Variants in WDR19 observed in about 807,000 individuals in gnomAD.
WDR19 encodes WD repeat domain 19.
In WDR19, 121 loss-of-function variants were observed where a neutral mutation model predicts 180.0. That is an observed-to-expected ratio of 0.67 (90% CI 0.58 to 0.78). The LOEUF is 0.78. Among genes scored for constraint, WDR19 ranks in the 30% least tolerant of loss-of-function variants. WDR19 has a pLI of 0.00. For synonymous variants in WDR19, 497 were observed against 540.7 expected, an observed-to-expected ratio of 0.92 and a Z score of 1.12; for missense variants, 1,450 against 1,640.7, an observed-to-expected ratio of 0.88 and a Z score of 2.01.
rs554694790 is a variant in WDR19 at position 39,189,999 on chromosome 4, C to T, written c.290+218C>T. Among the ~76,000 whole-genome samples, 63 of 152,268 alleles carry T rather than the reference C, an allele frequency of 4.1e-4. No individual in the cohort carries two copies. The South Asian group carries it at 8.7e-3, about 21-fold the overall frequency. On this transcript the variant is annotated intron_variant, in intron 4 of 36. Coordinates refer to ENST00000399820, the MANE Select transcript of WDR19 (RefSeq NM_025132.4). ...AAAAAGTTGCTTTCAGTGGAACAGA[C>T]TAAGAAGTGCAGAGATGAGACAAAA...
intron 36 of WDR19, among the ~76,000 whole-genome samples, chr4:39,281,236 T>TATATAGAGAGAGAGAGGGAGAG (rs762298152): frequency 9.6e-6 from 1 of 104,040 alleles, no homozygotes; most frequent in Non-Finnish European, 1.8e-5. Flanking sequence ...TATATATATA[T>TATATAGAGAGAGAGAGGGAGAG]AGAGAGAGAG....
intron 3 of WDR19, among the ~76,000 whole-genome samples, chr4:39,187,219 G>A (rs1441928802): frequency 1.3e-5 from 2 of 152,036 alleles, no homozygotes; most frequent in Non-Finnish European, 2.9e-5. Flanking sequence ...AGGAGATGGA[G>A]ACCATCCTGG....
In WDR19 at chr4:39,265,955, C is replaced by A. The variant is rs561408463; in HGVS notation, c.3184-108C>A. On this transcript the variant is annotated intron_variant, in intron 28 of 36. Coordinates refer to ENST00000399820, the MANE Select transcript of WDR19 (RefSeq NM_025132.4). Reference sequence around the variant, plus strand: ...TATTTCAGGCACTTTACTATAGATACTATTAATGTTTTTTATTCCATCTCC... The same window carrying A: ...TATTTCAGGCACTTTACTATAGATAATATTAATGTTTTTTATTCCATCTCC... The A allele has an allele frequency of 4.5e-4, 402 of 897,566 alleles. 2 individuals are homozygous for A. In the African/African-American group the frequency reaches 5.9e-3, roughly 13 times the overall value. The allele number at this position is 897,566 out of a possible 1,614,324, so 55.6% of individuals were successfully genotyped here. A position where few individuals can be genotyped will look rare whatever the true frequency, so the allele number is the denominator to read the frequency against.
intron 28 of WDR19, among the ~76,000 whole-genome samples, chr4:39,264,178 C>T (rs1196738765): frequency 6.6e-6 from 1 of 152,114 alleles, no homozygotes; most frequent in African/African-American, 2.4e-5. Flanking sequence ...CATATTGAGG[C>T]CCCAAGAGTA....
intron 10 of WDR19, among the ~76,000 whole-genome samples, chr4:39,215,361 G>A (rs538253792): frequency 1.3e-5 from 2 of 150,742 alleles, no homozygotes; most frequent in South Asian, 4.2e-4. Context: ...TTGTTGCTCA[G>A]GCTTACTGTA....
intron 28 of WDR19, among the ~76,000 whole-genome samples, chr4:39,258,836 G>T (rs1047481779): frequency 6.6e-5 from 10 of 152,028 alleles, no homozygotes; most frequent in Non-Finnish European, 1.5e-4. Flanking sequence ...TTTAAGCTGG[G>T]TGCAGTGGAT....
At chr4:39,278,277 C>A in intron 35 of WDR19, 70 bp downstream of exon 35, 1 of 1,386,442 alleles carries the variant, frequency 7.2e-7, no homozygotes, top group Non-Finnish European at 9.9e-7. Flanking sequence ...TACCTCTTTT[C>A]TTCCGAAGCA....
At chr4:39,235,023 T>TA (rs1731242151) in intron 20 of WDR19, 148 bp downstream of exon 20, 1 of 556,240 alleles carries the variant, frequency 1.8e-6, no homozygotes, top group East Asian at 3.0e-5. Flanking sequence ...CTGAAAAATG[T>TA]TTTTTCTAAC....
At chr4:39,196,458 C>A (rs1240631894) in intron 5 of WDR19, among the ~76,000 whole-genome samples, 1 of 152,130 alleles carries the variant, frequency 6.6e-6, no homozygotes, top group Non-Finnish European at 1.5e-5. Context: ...TGTTTAGGGC[C>A]ATCCTTGACT....
chr4:39,243,228 T>G (rs1029560081), intron 21 of WDR19, among the ~76,000 whole-genome samples: 3 of 152,238 alleles, frequency 2.0e-5, no homozygotes, highest in African/African-American at 7.2e-5. Flanking sequence ...TACTTTTCAT[T>G]TTTGACATGG....
At chr4:39,251,988 C>T (rs1733247394) in intron 24 of WDR19, among the ~76,000 whole-genome samples, 1 of 152,076 alleles carries the variant, frequency 6.6e-6, no homozygotes, top group African/African-American at 2.4e-5. Context: ...CACCATTTGA[C>T]CCAGCCATCC....
At chr4:39,261,354 T>G (rs1357986504) in intron 28 of WDR19, among the ~76,000 whole-genome samples, 1 of 152,126 alleles carries the variant, frequency 6.6e-6, no homozygotes, top group Non-Finnish European at 1.5e-5. Flanking sequence ...GCCTGATCAA[T>G]CTATGATAAG....
intron 17 of WDR19, among the ~76,000 whole-genome samples, chr4:39,231,122 T>C (rs1024940684): frequency 2.6e-5 from 4 of 151,932 alleles, no homozygotes; most frequent in South Asian, 2.1e-4. Flanking sequence ...CCATCCTGGC[T>C]AACACGATGA....
chr4:39,281,232 TATATAGAG>T (rs1736489387), intron 36 of WDR19, among the ~76,000 whole-genome samples: 1 of 100,924 alleles, frequency 9.9e-6, no homozygotes, highest in African/African-American at 5.3e-5. Flanking sequence ...TATATATATA[TATATAGAG>T]AGAGAGAGAG....
At chr4:39,184,567 A>G (rs1026694184) in intron 1 of WDR19, among the ~76,000 whole-genome samples, 1 of 151,922 alleles carries the variant, frequency 6.6e-6, no homozygotes, top group East Asian at 2.0e-4. Context: ...CCCGGGTTCA[A>G]GGGATTCTCG....
intron 28 of WDR19, among the ~76,000 whole-genome samples, chr4:39,258,886 G>A (rs898781892): frequency 6.6e-6 from 1 of 152,140 alleles, no homozygotes; most frequent in Admixed American, 6.5e-5. Context: ...TGGCCAACAT[G>A]GTGAAACCCC....
intron 36 of WDR19, among the ~76,000 whole-genome samples, chr4:39,284,331 ATTTTTTTTTT>A (rs143848496): frequency 2.2e-5 from 2 of 91,530 alleles, no homozygotes; most frequent in African/African-American, 8.9e-5. Context: ...AGTAAAAAAA[ATTTTTTTTTT>A]TTTTTTTTTT....
chr4:39,281,699 C>T (rs537974312), intron 36 of WDR19, among the ~76,000 whole-genome samples: 1 of 152,276 alleles, frequency 6.6e-6, no homozygotes, highest in South Asian at 2.1e-4. Context: ...CTTAAAACAA[C>T]ACACATTTAT....
chr4:39,240,366 T>TTATGTCTGGG, intron 21 of WDR19, 32 bp downstream of exon 21: 1 of 1,294,264 alleles, frequency 7.7e-7, no homozygotes, highest in Non-Finnish European at 1.0e-6. Context: ...ATATGCCTAA[T>TTATGTCTGGG]TATGTCTGGG....
Sources: gnomAD v4.1 joint callset for allele counts (sites outside exome capture counted in the v4.1 genomes callset) on GRCh38, gnomAD v4.1.1 for gene constraint, MANE v1.5 for transcripts, NCBI Gene and HGNC (gene_info 2026-07-23, HGNC 2026-07-21) for gene names.